The following MAP4K4 variants were observed in gnomAD, a reference collection of about 807,000 sequenced individuals.
MAP4K4 encodes HPK/GCK-like kinase HGK.
A neutral mutation model predicts 189.6 loss-of-function variants in MAP4K4; 38 were observed. The ratio of observed to expected loss-of-function variants is 0.20; its 90% CI spans 0.15 to 0.26. The LOEUF is 0.26. Ranked by LOEUF, MAP4K4 falls within the 10% of genes least tolerant of loss-of-function variation. MAP4K4 has a pLI of 1.00. For synonymous variants in MAP4K4, 610 were observed against 624.3 expected (o/e 0.98, Z 0.34); for missense variants, 1,054 against 1,726.9 (o/e 0.61, Z 6.91).
intron 12 of MAP4K4, among the ~76,000 whole-genome samples, chr2:101,851,423 T>G (rs1028383768): frequency 1.6e-4 from 24 of 152,224 alleles, no homozygotes; most frequent in Admixed American, 1.4e-3. Flanking sequence ...TTTGCAATCA[T>G]AGGCATAAGG....
chr2:101,742,880 T>C (rs969035702), intron 2 of MAP4K4, among the ~76,000 whole-genome samples: 7 of 152,230 alleles, frequency 4.6e-5, no homozygotes, highest in Admixed American at 2.0e-4. Flanking sequence ...ATGTCAGTTA[T>C]AGTTTAGAAG....
chr2:101,729,154 A>G (rs1014639051), intron 2 of MAP4K4, among the ~76,000 whole-genome samples: 2 of 129,236 alleles, frequency 1.5e-5, no homozygotes, highest in Non-Finnish European at 3.3e-5. Flanking sequence ...CTCCCTCCCT[A>G]TCCTTTTTTC....
chr2:101,841,384 G>A (rs1254152773), intron 10 of MAP4K4, among the ~76,000 whole-genome samples: 3 of 152,096 alleles, frequency 2.0e-5, no homozygotes, highest in East Asian at 1.9e-4. Flanking sequence ...GCATACAGAA[G>A]AGCTTATATG....
At chr2:101,710,964 GTT>G (rs2045164256) in intron 2 of MAP4K4, among the ~76,000 whole-genome samples, 1 of 152,208 alleles carries the variant, frequency 6.6e-6, no homozygotes, top group African/African-American at 2.4e-5. Context: ...CATCTGCACT[GTT>G]TGGTGCTCCT....
chr2:101,735,004 A>G (rs970241218), intron 2 of MAP4K4, among the ~76,000 whole-genome samples: 11 of 152,196 alleles, frequency 7.2e-5, no homozygotes, highest in African/African-American at 2.7e-4. Context: ...TTCAGAAGAC[A>G]ATGAAAATGC....
intron 16 of MAP4K4, among the ~76,000 whole-genome samples, chr2:101,862,836 A>G (rs762079798): frequency 6.6e-5 from 10 of 152,256 alleles, no homozygotes; most frequent in Admixed American, 6.5e-4. Context: ...TATATTGTAG[A>G]AATCATACAA....
chr2:101,882,861 A>G (rs2098421684), intron 28 of MAP4K4, among the ~76,000 whole-genome samples, 176 bp downstream of exon 28: 1 of 152,200 alleles, frequency 6.6e-6, no homozygotes, highest in Non-Finnish European at 1.5e-5. Flanking sequence ...TTGAAGTCTC[A>G]TCTAGACATT....
chr2:101,702,346 C>T (rs138923735), intron 2 of MAP4K4, among the ~76,000 whole-genome samples: 141 of 152,114 alleles, frequency 9.3e-4, no homozygotes, highest in African/African-American at 3.3e-3. Context: ...GTGGGCGGAT[C>T]ACTTGAGGTC....
rs574243351 is a variant in MAP4K4 at position 101,840,533 on chromosome 2, CTT to C, written c.949+541_949+542del. Among the ~76,000 whole-genome samples the C allele has an allele frequency of 5.3e-4, 81 of 152,308 alleles. No individual in the cohort carries two copies. The South Asian group carries it at 0.014, about 26-fold the overall frequency. On this transcript the variant is annotated intron_variant, in intron 10 of 32. Coordinates refer to ENST00000324219, the Ensembl canonical transcript of MAP4K4. ...GAAGGTTCTTTTCTGTTCCCAGTAA[CTT>C]TGTTTTATGTCTTTGCACATACTTT... is the stretch of plus-strand genomic sequence containing the variant.
intron 7 of MAP4K4, among the ~76,000 whole-genome samples, chr2:101,832,454 A>T (rs1053062004): frequency 6.6e-6 from 1 of 152,232 alleles, no homozygotes; most frequent in Non-Finnish European, 1.5e-5. Flanking sequence ...TGATATGCAA[A>T]ATGGAATTCA....
At chr2:101,791,784 A>T (rs1381473655) in intron 3 of MAP4K4, among the ~76,000 whole-genome samples, 7 of 152,188 alleles carry the variant, frequency 4.6e-5, no homozygotes. Flanking sequence ...AAGAATTGGA[A>T]AACACTGTTG....
rs529420721 is a variant in MAP4K4, at chr2:101,865,464, CT to C, written c.2204+429del. 1.6e-3 allele frequency among the ~76,000 whole-genome samples: 239 copies of C among 152,340 alleles called. 1 individual carries two copies. The highest frequency in any genetic ancestry group is 0.011 in the East Asian group (59 of 5,192). On this transcript the variant is annotated intron_variant, in intron 18 of 32. Transcript: ENST00000324219. ...AGTAAACAAGTGAATTCACCAAATA[CT>C]ATCCTTTTTAGGTTCTAGAGCTGCT...
At chr2:101,847,718 G>T (rs566362733) in intron 12 of MAP4K4, among the ~76,000 whole-genome samples, 1 of 152,196 alleles carries the variant, frequency 6.6e-6, no homozygotes, top group African/African-American at 2.4e-5. Context: ...ATTACATTAA[G>T]ATTAATTTAA....
At chr2:101,824,439 C>A (rs951580217) in intron 4 of MAP4K4, among the ~76,000 whole-genome samples, 5 of 152,070 alleles carry the variant, frequency 3.3e-5, no homozygotes, top group African/African-American at 1.2e-4. Context: ...AGAGACAGAT[C>A]TCAAGAAACA....
intron 3 of MAP4K4, among the ~76,000 whole-genome samples, chr2:101,812,894 G>T (rs938918025): frequency 6.6e-6 from 1 of 152,144 alleles, no homozygotes. Context: ...TTGGGAGGCC[G>T]AGGTGGGCGG....
chr2:101,698,468 T>A lies in MAP4K4; in HGVS notation c.58-5T>A. On this transcript the variant is annotated splice_polypyrimidine_tract_variant and splice_region_variant and intron_variant, in intron 1 of 32. Coordinates refer to ENST00000324219, the Ensembl canonical transcript of MAP4K4. Reference sequence around the variant, plus strand: ...ATGATAACCCCTCCCCTCCTTCCTCTCCAGGATCCTGCTGGGATTTTTGAG... The same window carrying A: ...ATGATAACCCCTCCCCTCCTTCCTCACCAGGATCCTGCTGGGATTTTTGAG... The A allele has an allele frequency of 6.2e-7, 1 of 1,613,256 alleles. No homozygotes were observed. The highest frequency in any genetic ancestry group is 1.7e-5 in the Admixed American group (1 of 60,014).
chr2:101,866,626 TGATCCATATCTTG>T, intron 19 of MAP4K4, 47 bp downstream of exon 19: 2 of 1,589,800 alleles, frequency 1.3e-6, no homozygotes, highest in Non-Finnish European at 1.7e-6. Flanking sequence ...TTTTGAGCTG[TGATCCATATCTTG>T]GAAGTTTGTC....
chr2:101,794,127 C>G (rs911524819), intron 3 of MAP4K4, among the ~76,000 whole-genome samples: 1 of 152,084 alleles, frequency 6.6e-6, no homozygotes, highest in Admixed American at 6.6e-5. Flanking sequence ...GTTTAAGGAA[C>G]AGATTAAGGA....
At chr2:101,759,235 G>C (rs931956184) in intron 2 of MAP4K4, among the ~76,000 whole-genome samples, 2 of 151,638 alleles carry the variant, frequency 1.3e-5, no homozygotes, top group Non-Finnish European at 2.9e-5. Context: ...TTTTCTCTCT[G>C]TGAACAAAGT....
Sources: allele counts gnomAD v4.1 joint callset (sites outside exome capture counted in the v4.1 genomes callset), GRCh38; gene constraint gnomAD v4.1.1; transcripts MANE v1.5; gene names NCBI Gene and HGNC (gene_info 2026-07-23, HGNC 2026-07-21).